PARP12: variants seen among roughly 807,000 people sequenced by gnomAD.
The protein encoded by PARP12 is poly(ADP-ribose) polymerase family member 12.
PARP12 carries 59 observed loss-of-function variants against 72.4 expected under a neutral mutation model. That is an observed-to-expected ratio of 0.81 (90% CI 0.66 to 1.01). The LOEUF (loss-of-function observed/expected upper bound fraction) is 1.01, where lower values mean the gene tolerates loss of function less well. Ranked by LOEUF, PARP12 falls within the 50% of genes least tolerant of loss-of-function variation. The probability of loss-of-function intolerance (pLI) is 0.00; values close to 1 mark genes in which losing one functional copy is unlikely to be tolerated. For synonymous variants in PARP12, 403 were observed against 371.4 expected, an observed-to-expected ratio of 1.09 and a Z score of -0.98; for missense variants, 851 against 914.0, an observed-to-expected ratio of 0.93 and a Z score of 0.89.
intron 4 of PARP12, among the ~76,000 whole-genome samples, chr7:140,054,284 T>C (rs1334189298): frequency 1.3e-5 from 2 of 152,200 alleles, no homozygotes; most frequent in Non-Finnish European, 2.9e-5. Flanking sequence ...AGTGAGGTCC[T>C]TTCCAGTTTC....
chr7:140,056,764 C>A, intron 3 of PARP12, 92 bp downstream of exon 3: 2 of 1,332,538 alleles, frequency 1.5e-6, no homozygotes, highest in Non-Finnish European at 2.1e-6. Context: ...CAAAGTCACA[C>A]ATTCCATGTA....
intron 10 of PARP12, among the ~76,000 whole-genome samples, 175 bp downstream of exon 10, chr7:140,027,101 G>A (rs1815766540): frequency 6.6e-6 from 1 of 152,178 alleles, no homozygotes; most frequent in East Asian, 1.9e-4. Context: ...ACAATGGGAT[G>A]TGCTACCACA....
Position 140,062,732 on chromosome 7 carries a change from A to G in PARP12, c.116T>C (p.Leu39Pro). 2 of 1,363,326 alleles carry G rather than the reference A, an allele frequency of 1.5e-6. No individual in the cohort carries two copies. The highest frequency in any genetic ancestry group is 1.9e-6 in the Non-Finnish European group (2 of 1,051,414). 84.5% of individuals were successfully genotyped at this position (1,363,326 alleles called of 1,614,324 possible). Residue 39 changes from leucine to proline, a missense_variant, in exon 1 of 12, where the codon CTG becomes CCG. By Grantham distance (98) the Leu-to-Pro change is moderately conservative (BLOSUM62 -3). This residue lies in a region of PARP12 where 492 missense variants were observed against 489.3 expected (regional missense o/e 1.01). Coordinates refer to ENST00000263549, the MANE Select transcript of PARP12 (RefSeq NM_022750.4). ...RLRMGLSADA[L>P]ERLLRQRGRF... The stretch of plus-strand genomic sequence containing the variant: ...CCCACGCTGCCGCAGCAGCCGCTCC[A>G]GCGCGTCGGCGCTCAAGCCCATCCG...
chr7:140,026,229 A>T lies in PARP12; in HGVS notation c.1748T>A (p.Val583Asp). Reference protein sequence around the residue: ...AICQQNFDWRVCGVHGTSYGK... With the variant: ...AICQQNFDWRDCGVHGTSYGK... ...GTAGGAAGTGCCATGAACACCACAGACCCGCCAGTCAAAGTTCTGCTGGCA... is the reference window on the plus strand; with the variant it reads ...GTAGGAAGTGCCATGAACACCACAGTCCCGCCAGTCAAAGTTCTGCTGGCA... The change falls in exon 11 of 12, where the codon GTC (valine) becomes GAC (aspartate). Residue 583 changes from valine to aspartate, a missense_variant. Val to Asp is a radical substitution (Grantham distance 152). Transcript: ENST00000263549. 6.2e-7 allele frequency: 1 copy of T among 1,612,214 alleles called. No homozygotes were observed. Among genetic ancestry groups the T allele is most frequent in the South Asian group, 1.1e-5 (1 of 91,046 alleles).
At chr7:140,040,732 T>C (rs1289275261) in intron 6 of PARP12, among the ~76,000 whole-genome samples, 1 of 152,200 alleles carries the variant, frequency 6.6e-6, no homozygotes, top group Non-Finnish European at 1.5e-5. Context: ...TCGATTTTCA[T>C]TTTGGAGGGT....
At chr7:140,035,880 A>G (rs1325469477) in intron 7 of PARP12, among the ~76,000 whole-genome samples, 2 of 88,674 alleles carry the variant, frequency 2.3e-5, no homozygotes, top group Non-Finnish European at 4.2e-5. Flanking sequence ...GAAGAGGAGG[A>G]GGAAGAGGAA....
At chr7:140,041,584 T>C in intron 6 of PARP12, 60 bp downstream of exon 6, 1 of 1,514,270 alleles carries the variant, frequency 6.6e-7, no homozygotes, top group African/African-American at 1.4e-5. Flanking sequence ...GGGCTCTTAT[T>C]TGGCTCCTCT....
intron 8 of PARP12, 112 bp from the exon 9 acceptor site, chr7:140,028,800 AT>A: frequency 1.2e-6 from 1 of 861,500 alleles, no homozygotes; most frequent in Non-Finnish European, 1.8e-6. Context: ...AGCACATCAT[AT>A]TTCAAGAGCA....
chr7:140,056,966 G>A lies in PARP12; in HGVS notation c.650C>T (p.Ser217Leu). ...LEKLEKLGMS[S>L]DLVSRLPTIY... ...GGTAGGCAGCCTGCTCACCAGGTCT[G>A]AGCTCATACCCAACTTCTCCAATTT... Residue 217 changes from serine (S) to leucine (L), a missense_variant, in exon 3 of 12, where the codon TCA becomes TTA. Ser to Leu is a moderately radical substitution (Grantham distance 145). This residue lies in a region of PARP12 where 492 missense variants were observed against 489.3 expected (regional missense o/e 1.01). Transcript: ENST00000263549. The A allele has an allele frequency of 6.2e-7, 1 of 1,614,174 alleles. No individual in the cohort carries two copies. The highest frequency in any genetic ancestry group is 8.5e-7 in the Non-Finnish European group (1 of 1,180,042).
chr7:140,036,964 G>A (rs185140695), intron 7 of PARP12, among the ~76,000 whole-genome samples: 1 of 152,054 alleles, frequency 6.6e-6, no homozygotes, highest in East Asian at 1.9e-4. Flanking sequence ...TGCTTCTCAG[G>A]GACTTTCAAT....
chr7:140,036,561 G>C (rs1816209767), intron 7 of PARP12, among the ~76,000 whole-genome samples: 1 of 152,094 alleles, frequency 6.6e-6, no homozygotes, highest in South Asian at 2.1e-4. Context: ...CAAAACCAAG[G>C]CCAGAAACAG....
In PARP12 at chr7:140,057,115, G is replaced by C. The variant is rs557101274; in HGVS notation, c.501C>G (p.Gly167=). The C allele has an allele frequency of 1.9e-6, 3 of 1,613,980 alleles. No individual in the cohort carries two copies. Among genetic ancestry groups the C allele is most frequent in the Admixed American group, 3.3e-5 (2 of 59,998 alleles). The change falls in exon 3 of 12, where the codon GGC becomes GGG. Residue 167 remains glycine, a synonymous_variant. Transcript: ENST00000263549. ...QHYNKGDGPH[G]SCAFQKQCIK... ...TGCACTGCTTTTGAAAGGCACAAGA[G>C]CCGTGGGGTCCATCTCCTTTGTTGT...
intron 5 of PARP12, among the ~76,000 whole-genome samples, chr7:140,042,220 T>A (rs1816506225): frequency 6.6e-6 from 1 of 152,252 alleles, no homozygotes; most frequent in African/African-American, 2.4e-5. Flanking sequence ...AAGCACTTTA[T>A]ATGTATTAGG....
At chr7:140,054,146 T>G (rs1391152070) in intron 4 of PARP12, among the ~76,000 whole-genome samples, 1 of 152,162 alleles carries the variant, frequency 6.6e-6, no homozygotes, top group Non-Finnish European at 1.5e-5. Flanking sequence ...GACAGGCACA[T>G]GCACACCAGA....
At chr7:140,034,523 A>G in intron 7 of PARP12, 192 bp from the exon 8 acceptor site, 1 of 429,842 alleles carries the variant, frequency 2.3e-6, no homozygotes, top group Non-Finnish European at 4.3e-6. Context: ...TATCCTTAGG[A>G]GACTGGGTTT....
chr7:140,026,367 G>C lies in PARP12; in HGVS notation c.1629-19C>G, dbSNP rs1405554061. ...TTTTTGCCTAGAATCACAGAAGAATGTGTGCTGGGGGCAGAGTGTGCCGGC... is the reference window on the plus strand; with the variant it reads ...TTTTTGCCTAGAATCACAGAAGAATCTGTGCTGGGGGCAGAGTGTGCCGGC... On this transcript the variant is annotated intron_variant, in intron 10 of 11. Transcript: ENST00000263549. 6.2e-7 allele frequency: 1 copy of C among 1,601,250 alleles called. No homozygotes were observed. The highest frequency in any genetic ancestry group is 8.5e-7 in the Non-Finnish European group (1 of 1,176,144).
Position 140,035,973 on chromosome 7 carries a change from AGG to A in PARP12, c.1325-1644_1325-1643del. Reference sequence around the variant, plus strand: ...GAGGACGAGGAGGAGGAGGAGGACGAGGAGGAGGAGGAGGAGGAGGAGGAGGA... The same window carrying A: ...GAGGACGAGGAGGAGGAGGAGGACGAAGGAGGAGGAGGAGGAGGAGGAGGA... On this transcript the variant is annotated intron_variant, in intron 7 of 11. Coordinates refer to ENST00000263549, the MANE Select transcript of PARP12 (RefSeq NM_022750.4). Among the ~76,000 whole-genome samples the A allele has an allele frequency of 3.4e-5, 2 of 58,738 alleles. 1 individual carries two copies. Among genetic ancestry groups the A allele is most frequent in the Non-Finnish European group, 5.7e-5 (2 of 35,108 alleles). The allele number at this position is 58,738 out of a possible 152,430, so 38.5% of individuals were successfully genotyped here. A position where few individuals can be genotyped will look rare whatever the true frequency, so the allele number is the denominator to read the frequency against.
At chr7:140,048,549 G>T (rs1043439162) in intron 4 of PARP12, among the ~76,000 whole-genome samples, 1 of 152,176 alleles carries the variant, frequency 6.6e-6, no homozygotes, top group Non-Finnish European at 1.5e-5. Flanking sequence ...AAGGCAGGAA[G>T]ATAGAGAACA....
At chr7:140,035,295 G>A (rs1361494440) in intron 7 of PARP12, among the ~76,000 whole-genome samples, 3 of 152,118 alleles carry the variant, frequency 2.0e-5, no homozygotes, top group Non-Finnish European at 4.4e-5. Flanking sequence ...CTACTCAGCC[G>A]CCCATCAAGA....
Sources: gnomAD v4.1 joint callset for allele counts (sites outside exome capture counted in the v4.1 genomes callset) on GRCh38, gnomAD v4.1.1 for gene constraint, gnomAD v4.1.1 regional missense constraint, MANE v1.5 for transcripts, NCBI Gene and HGNC (gene_info 2026-07-23, HGNC 2026-07-21) for gene names.